Variants in FN3K observed in about 807,000 individuals in gnomAD.
The protein encoded by FN3K is fructosamine 3 kinase.
In FN3K, 24 loss-of-function variants were observed where a neutral mutation model predicts 24.8. The observed-to-expected ratio is 0.97, with a 90% CI of 0.70 to 1.36. FN3K has a LOEUF of 1.36. Ranked by LOEUF, FN3K falls within the 40% of genes most tolerant of loss-of-function variation. The probability of loss-of-function intolerance (pLI) is 0.00; values close to 1 mark genes in which losing one functional copy is unlikely to be tolerated. For missense variants in FN3K, 449 were observed against 416.7 expected, an observed-to-expected ratio of 1.08 and a Z score of -0.67; for synonymous variants, 192 against 175.2, an observed-to-expected ratio of 1.10 and a Z score of -0.76.
intron 4 of FN3K, chr17:82,742,524 C>T: frequency 1.8e-5 from 6 of 341,874 alleles, no homozygotes; most frequent in Non-Finnish European, 1.2e-5. Context: ...TTTCACAGCT[C>T]TTCCATGTTG....
chr17:82,739,753 G>A (rs181427420), intron 2 of FN3K, among the ~76,000 whole-genome samples: 3 of 152,068 alleles, frequency 2.0e-5, no homozygotes, highest in African/African-American at 7.2e-5. Flanking sequence ...CACCGCGCCC[G>A]GCCTAATTTT....
At position 82,735,657 on chromosome 17, in the gene FN3K, C is replaced by G. The variant is rs1403197221; in HGVS notation, c.21C>G (p.Ala7=). 6.5e-7 allele frequency: 1 copy of G among 1,538,490 alleles called. No homozygotes were observed. Among genetic ancestry groups the G allele is most frequent in the Non-Finnish European group, 8.7e-7 (1 of 1,148,866 alleles). The change falls in exon 1 of 6, where the codon GCC becomes GCG. Residue 7 remains alanine (A), a synonymous_variant. Coordinates refer to ENST00000300784, the MANE Select transcript of FN3K (RefSeq NM_022158.4). MEQLLR[A]ELRTATLRAF... is the part of the protein sequence containing the mutation. ...ACTCCATGGAGCAGCTGCTGCGCGC[C>G]GAGCTGCGCACCGCGACCCTGCGGG... is the stretch of plus-strand genomic sequence containing the variant.
chr17:82,749,819 G>A (rs1236258099), intron 5 of FN3K: 1 of 163,908 alleles, frequency 6.1e-6, no homozygotes, highest in African/African-American at 2.4e-5. Context: ...ACTTTGGGAG[G>A]CCGAGGTGGA....
At chr17:82,740,511 G>A (rs1303065400) in intron 2 of FN3K, among the ~76,000 whole-genome samples, 1 of 150,532 alleles carries the variant, frequency 6.6e-6, no homozygotes, top group Non-Finnish European at 1.5e-5. Context: ...AGGATTGCTT[G>A]AGCCCTAGAA....
chr17:82,736,123 A>G, intron 1 of FN3K: 1 of 278,046 alleles, frequency 3.6e-6, no homozygotes, highest in Non-Finnish European at 6.9e-6. Flanking sequence ...GGAAAGAAGC[A>G]GAGACATGGC....
chr17:82,744,160 G>A (rs1457952534), intron 4 of FN3K, among the ~76,000 whole-genome samples: 2 of 152,174 alleles, frequency 1.3e-5, no homozygotes, highest in African/African-American at 4.8e-5. Flanking sequence ...GGTGAGCCCA[G>A]GGGCCGAGTC....
rs933936669 is a variant in FN3K, at chr17:82,746,105, A to C, written c.469-2750A>C. 1.3e-5 allele frequency among the ~76,000 whole-genome samples: 2 copies of C among 151,446 alleles called. 1 individual carries two copies. The highest frequency in any genetic ancestry group is 2.9e-5 in the Non-Finnish European group (2 of 67,864). ...CAAGACTCCGTCTCAAAAAAAAAAA[A>C]AAAAAAACTACCAAACTCTTTTCCA... On this transcript the variant is annotated intron_variant, in intron 4 of 5. Transcript: ENST00000300784.
intron 4 of FN3K, chr17:82,741,653 C>T (rs2143644275): frequency 2.3e-6 from 1 of 444,384 alleles, no homozygotes; most frequent in East Asian, 4.6e-5. Context: ...GGTTGTGTTG[C>T]ACAAGGCTCC....
chr17:82,750,028 A>C, intron 5 of FN3K: 1 of 270,738 alleles, frequency 3.7e-6, no homozygotes, highest in Non-Finnish European at 7.3e-6. Flanking sequence ...ACTGCACTCC[A>C]GCCTGGGTGA....
intron 2 of FN3K, 75 bp from the exon 3 acceptor site, chr17:82,740,688 T>G: frequency 9.6e-7 from 1 of 1,036,860 alleles, no homozygotes. Context: ...TTTAAACCTT[T>G]CTCAAAATGG....
In FN3K at chr17:82,750,796, CGTCTCCCCGTCCCT is replaced by C. The variant is rs1568073109; in HGVS notation, c.*45_*58del. The C allele has an allele frequency of 1.3e-6, 2 of 1,529,240 alleles. No individual in the cohort carries two copies. Among genetic ancestry groups the C allele is most frequent in the Non-Finnish European group, 8.8e-7 (1 of 1,130,204 alleles). 94.7% of individuals were successfully genotyped at this position (1,529,240 alleles called of 1,614,324 possible). A position where few individuals can be genotyped will look rare whatever the true frequency, so the allele number is the denominator to read the frequency against. ...CTTCCCCTGTCCCCGTCCCCGTCTCCGTCTCCCCGTCCCTGTCCCCCCGTCCCCCGTCCCTGTGC... is the reference window on the plus strand; with the variant it reads ...CTTCCCCTGTCCCCGTCCCCGTCTCCGTCCCCCCGTCCCCCGTCCCTGTGC... On this transcript the variant is annotated 3_prime_UTR_variant, in exon 6 of 6. Coordinates refer to ENST00000300784, the MANE Select transcript of FN3K (RefSeq NM_022158.4).
rs202198258 is a variant in FN3K at position 82,750,766 on chromosome 17, C to A, written c.*11C>A. The A allele has an allele frequency of 3.9e-4, 631 of 1,603,874 alleles. 2 individuals carry two copies. The African/African-American group carries it at 7.5e-3, about 19-fold the overall frequency. Reference sequence around the variant, plus strand: ...AGGCTGCTCAAGTAGCGGCCCCTGCCCTCCCTTCCCCTGTCCCCGTCCCCG... The same window carrying A: ...AGGCTGCTCAAGTAGCGGCCCCTGCACTCCCTTCCCCTGTCCCCGTCCCCG... On this transcript the variant is annotated 3_prime_UTR_variant, in exon 6 of 6. Transcript: ENST00000300784.
Position 82,748,142 on chromosome 17 carries a change from CTTTT to C in FN3K, c.469-705_469-702del, listed in dbSNP as rs145352692. ...GTATTAATGTAGCCACTCTAGCTTT[CTTTT>C]TTTTTTTCTTTTTTTTTTTGAGATA... is the stretch of plus-strand genomic sequence containing the variant. On this transcript the variant is annotated intron_variant, in intron 4 of 5. Transcript: ENST00000300784. Among the ~76,000 whole-genome samples, 52 of 141,894 alleles carry C rather than the reference CTTTT, an allele frequency of 3.7e-4. 1 individual carries two copies. The highest frequency in any genetic ancestry group is 1.2e-3 in the African/African-American group (48 of 38,986). The allele number at this position is 141,894 out of a possible 152,430, so 93.1% of individuals were successfully genotyped here. A position where few individuals can be genotyped will look rare whatever the true frequency, so the allele number is the denominator to read the frequency against.
Position 82,750,606 on chromosome 17 carries a change from A to C in FN3K, c.781A>C (p.Thr261Pro), listed in dbSNP as rs1598345372. The C allele has an allele frequency of 6.2e-7, 1 of 1,613,674 alleles. No individual in the cohort carries two copies. ...TGGGGGGTTCCCCAGATCCTTCTTC[A>C]CCGCCTACCACCGGAAGATCCCCAA... The part of the protein sequence containing the change: ...MFGGFPRSFF[T>P]AYHRKIPKAP... Residue 261 changes from threonine to proline, a missense_variant, in exon 6 of 6, where the codon ACC becomes CCC. Thr to Pro is a conservative substitution (Grantham distance 38). Transcript: ENST00000300784.
rs2047021174 is a variant in FN3K at position 82,750,850 on chromosome 17, C to G, written c.*95C>G. On this transcript the variant is annotated 3_prime_UTR_variant, in exon 6 of 6. Coordinates refer to ENST00000300784, the MANE Select transcript of FN3K (RefSeq NM_022158.4). ...CGTCCCTGTGCCCCCGTCCCTGTCC[C>G]CCTGTTCCCGTCTCCCCGTCCCTCC... 5 of 977,148 alleles carry G rather than the reference C, an allele frequency of 5.1e-6. No homozygotes were observed. The East Asian group carries it at 1.1e-4, about 22-fold the overall frequency. 60.5% of individuals were successfully genotyped at this position (977,148 alleles called of 1,614,324 possible). A position where few individuals can be genotyped will look rare whatever the true frequency, so the allele number is the denominator to read the frequency against.
chr17:82,748,519 A>G (rs1337506211), intron 4 of FN3K, among the ~76,000 whole-genome samples: 1 of 150,552 alleles, frequency 6.6e-6, no homozygotes, highest in Non-Finnish European at 1.5e-5. Context: ...TTTTTTTAGT[A>G]GATAATGTCT....
intron 1 of FN3K, 67 bp from the exon 2 acceptor site, chr17:82,738,422 C>T: frequency 1.2e-6 from 2 of 1,604,578 alleles, no homozygotes; most frequent in South Asian, 2.2e-5. Flanking sequence ...TAGCTTCTGT[C>T]AAGGGCCCAG....
rs1382603179 is a variant in FN3K, at chr17:82,738,471, G to C, written c.142-18G>C. On this transcript the variant is annotated intron_variant, in intron 1 of 5. Transcript: ENST00000300784. ...TGGCTGAGTCAACAAGGCTGACAAG[G>C]CTGTGTTCTGGATGCAGGCCCGGCA... 6.2e-7 allele frequency: 1 copy of C among 1,611,662 alleles called. No homozygotes were observed. The highest frequency in any genetic ancestry group is 8.5e-7 in the Non-Finnish European group (1 of 1,179,790).
intron 4 of FN3K, among the ~76,000 whole-genome samples, chr17:82,744,246 A>G (rs1162393717): frequency 6.6e-6 from 1 of 152,184 alleles, no homozygotes; most frequent in African/African-American, 2.4e-5. Flanking sequence ...GGAGTTTTAC[A>G]AAATAACCCT....
Sources: gnomAD v4.1 joint callset for allele counts (sites outside exome capture counted in the v4.1 genomes callset) on GRCh38, gnomAD v4.1.1 for gene constraint, MANE v1.5 for transcripts, NCBI Gene and HGNC (gene_info 2026-07-23, HGNC 2026-07-21) for gene names.